The following CLU variants were observed in gnomAD, a reference collection of about 807,000 sequenced individuals.
The protein encoded by CLU is clusterin, also known as aging-associated protein 4.
In CLU, 25 loss-of-function variants were observed where a neutral mutation model predicts 46.4. The observed-to-expected ratio is 0.54, with a 90% confidence interval of 0.39 to 0.75. The LOEUF (loss-of-function observed/expected upper bound fraction) is 0.75, where lower values mean the gene tolerates loss of function less well. Ranked by LOEUF, CLU falls within the 30% of genes least tolerant of loss-of-function variation. The pLI, the probability that CLU is intolerant of heterozygous loss-of-function variation, is 0.00. For missense variants in CLU, 504 were observed against 592.1 expected, an observed-to-expected ratio of 0.85 and a Z score of 1.54; for synonymous variants, 235 against 235.1, an observed-to-expected ratio of 1.00 and a Z score of 0.00.
chr8:27,601,894 C>T (rs866877583), intron 6 of CLU, among the ~76,000 whole-genome samples: 2 of 151,908 alleles, frequency 1.3e-5, no homozygotes, highest in African/African-American at 4.8e-5. Flanking sequence ...AGTTTGAGAC[C>T]AGCCTGGCCA....
At position 27,604,933 on chromosome 8, in the gene CLU, A is replaced by T. The variant is rs1800788644; in HGVS notation, c.820T>A (p.Phe274Ile). ...TTCCACCCCTTCTCACCTCGTATGA[A>T]TTCTGTTGGCGGGTGCTGGAAGGCC... ...SPAFQHPPTE[F>I]IREGDDDRTV... Residue 274 changes from phenylalanine (F) to isoleucine (I), a missense_variant, in exon 5 of 9, where the codon TTC becomes ATC. By Grantham distance (21) the Phe-to-Ile change is conservative. Transcript: ENST00000316403. 2 of 1,614,082 alleles carry T rather than the reference A, an allele frequency of 1.2e-6. No homozygotes were observed. Among genetic ancestry groups the T allele is most frequent in the Non-Finnish European group, 1.7e-6 (2 of 1,180,022 alleles).
intron 3 of CLU, among the ~76,000 whole-genome samples, chr8:27,608,266 C>T (rs558709791): frequency 4.6e-5 from 7 of 152,324 alleles, no homozygotes; most frequent in East Asian, 1.9e-4. Flanking sequence ...GGTTTCTTTA[C>T]GGCAGAACTT....
intron 5 of CLU, 36 bp from the exon 6 acceptor site, chr8:27,604,431 A>G (rs1190961621): frequency 6.6e-7 from 1 of 1,507,120 alleles, no homozygotes. Flanking sequence ...TCAGTCATCC[A>G]GCCATGCAGA....
At position 27,608,160 on chromosome 8, in the gene CLU, A is replaced by G. The variant is rs78591537; in HGVS notation, c.246+778T>C. Among the ~76,000 whole-genome samples, 498 of 152,328 alleles carry G rather than the reference A, an allele frequency of 3.3e-3. 3 individuals carry two copies. The highest frequency in any genetic ancestry group is 0.011 in the African/African-American group (472 of 41,564). The stretch of plus-strand genomic sequence containing the variant: ...GCCAGCAATCCCTGAAGTGGCTCCT[A>G]TGGAGCTGTGCTCAAAGCGGCCAGG... On this transcript the variant is annotated intron_variant, in intron 3 of 8. Coordinates refer to ENST00000316403, the MANE Select transcript of CLU (RefSeq NM_001831.4).
rs762264713 is a variant in CLU, at chr8:27,604,986, T to C, written c.767A>G (p.Gln256Arg). The stretch of plus-strand genomic sequence containing the variant: ...GCTATGGAAGTGGATGTCCATGGCC[T>C]GCTGAGCCTCGTGTATCATCTCAAG... ...PFLEMIHEAQ[Q>R]AMDIHFHSPA... Residue 256 changes from glutamine (Q) to arginine (R), a missense_variant, in exon 5 of 9, where the codon CAG becomes CGG. By Grantham distance (43) the Gln-to-Arg change is conservative. Around this residue, in one of 3 missense-constraint regions of CLU, gnomAD observed 428 missense variants for 484.0 expected, o/e 0.88. Coordinates refer to ENST00000316403, the MANE Select transcript of CLU (RefSeq NM_001831.4). 1.2e-6 allele frequency: 2 copies of C among 1,613,984 alleles called. No homozygotes were observed. The highest frequency in any genetic ancestry group is 1.7e-6 in the Non-Finnish European group (2 of 1,180,012).
chr8:27,603,847 T>C (rs76604252), intron 6 of CLU, among the ~76,000 whole-genome samples: 9,006 of 152,216 alleles, frequency 0.059, 939 homozygotes, highest in African/African-American at 0.21. Flanking sequence ...GAAATGTATG[T>C]CGAGTGTTTA....
chr8:27,596,923 T>A lies in CLU; in HGVS notation c.*1318A>T. On this transcript the variant is annotated 3_prime_UTR_variant, in exon 9 of 9. Coordinates refer to ENST00000316403, the MANE Select transcript of CLU (RefSeq NM_001831.4). ...AACAGTGGAAAAGAAAAAGTAACTT[T>A]TGAAACAGTGTGACATTAATGTGAC... The A allele has an allele frequency of 2.2e-6, 1 of 449,860 alleles. No homozygotes were observed. The highest frequency in any genetic ancestry group is 4.5e-6 in the Non-Finnish European group (1 of 224,206). The allele number at this position is 449,860 out of a possible 1,614,324, so 27.9% of individuals were successfully genotyped here. A position where few individuals can be genotyped will look rare whatever the true frequency, so the allele number is the denominator to read the frequency against.
At position 27,605,096 on chromosome 8, in the gene CLU, G is replaced by A. The variant is rs760984236; in HGVS notation, c.657C>T (p.Phe219=). The change falls in exon 5 of 9, where the codon TTC becomes TTT. Residue 219 remains phenylalanine (F), a synonymous_variant. Coordinates refer to ENST00000316403, the MANE Select transcript of CLU (RefSeq NM_001831.4). ...TGCGGACGATGCGGGACTTGGGAAA[G>A]AAGAAGTGAGGCCTCCGGTGGGGCA... ...FSLPHRRPHF[F]FPKSRIVRSL... The A allele has an allele frequency of 6.2e-7, 1 of 1,613,634 alleles. No homozygotes were observed. Among genetic ancestry groups the A allele is most frequent in the Admixed American group, 1.7e-5 (1 of 59,998 alleles).
Position 27,606,231 on chromosome 8 carries a change from G to A in CLU, c.417+123C>T, listed in dbSNP as rs536866789. ...ATGCCAGACATTACCAATGGAGCAT[G>A]GCACTCTGGGCAAGCCAGCCAATGC... is the stretch of plus-strand genomic sequence containing the variant. On this transcript the variant is annotated intron_variant, in intron 4 of 8. Coordinates refer to ENST00000316403, the MANE Select transcript of CLU (RefSeq NM_001831.4). The A allele has an allele frequency of 1.1e-5, 12 of 1,076,794 alleles. No homozygotes were observed. In the South Asian group the frequency reaches 1.5e-4, roughly 13 times the overall value. The allele number at this position is 1,076,794 out of a possible 1,614,324, so 66.7% of individuals were successfully genotyped here. A position where few individuals can be genotyped will look rare whatever the true frequency, so the allele number is the denominator to read the frequency against.
At position 27,599,855 on chromosome 8, in the gene CLU, G is replaced by A. The variant is rs758078251; in HGVS notation, c.1089C>T (p.Asn363=). ...LNTSSLLEQL[N]EQFNWVSRLA... is the part of the protein sequence containing the mutation. ...GCCGGGACACCCAGTTAAACTGCTC[G>A]TTCAGCTGCTCCAGCAAGGAGGAGG... The change falls in exon 7 of 9, where the codon AAC becomes AAT. Residue 363 remains asparagine (N), a synonymous_variant. Coordinates refer to ENST00000316403, the MANE Select transcript of CLU (RefSeq NM_001831.4). The surrounding 1 kb of genome is among the most constrained non-coding windows in gnomAD (Gnocchi z 4.0). 9.3e-6 allele frequency: 15 copies of A among 1,614,030 alleles called. No individual in the cohort carries two copies. Among genetic ancestry groups the A allele is most frequent in the African/African-American group, 1.3e-5 (1 of 74,920 alleles).
intron 1 of CLU, chr8:27,610,832 A>G (rs1023825756): frequency 3.9e-6 from 2 of 510,696 alleles, no homozygotes; most frequent in East Asian, 3.6e-5. Context: ...CAGGACAGCA[A>G]TGTTGAGTGG....
rs551959163 is a variant in CLU, at chr8:27,603,451, C to T, written c.934+840G>A. On this transcript the variant is annotated intron_variant, in intron 6 of 8. Coordinates refer to ENST00000316403, the MANE Select transcript of CLU (RefSeq NM_001831.4). ...TTAAGTAAGAGCAAAGCCACCAGAT[C>T]GATAAGCTGTTGACAAGGGGAAACA... 2.6e-4 allele frequency among the ~76,000 whole-genome samples: 40 copies of T among 152,288 alleles called. No homozygotes were observed. In the South Asian group the frequency reaches 7.7e-3, roughly 29 times the overall value.
intron 6 of CLU, among the ~76,000 whole-genome samples, chr8:27,601,166 A>G (rs1362348677): frequency 6.6e-6 from 1 of 152,206 alleles, no homozygotes; most frequent in Non-Finnish European, 1.5e-5. Context: ...CTCCTGCCTC[A>G]GCCTCCAGAG....
Position 27,604,282 on chromosome 8 carries a change from C to T in CLU, c.934+9G>A, listed in dbSNP as rs1434762154. On this transcript the variant is annotated intron_variant, in intron 6 of 8. Coordinates refer to ENST00000316403, the MANE Select transcript of CLU (RefSeq NM_001831.4). Reference sequence around the variant, plus strand: ...GGGGGGACGGCTTGTGGTCTGGACCCCGACTCACCCACAGACAAGATCTCC... The same window carrying T: ...GGGGGGACGGCTTGTGGTCTGGACCTCGACTCACCCACAGACAAGATCTCC... 1 of 1,611,738 alleles carries T rather than the reference C, an allele frequency of 6.2e-7. No individual in the cohort carries two copies. The highest frequency in any genetic ancestry group is 1.1e-5 in the South Asian group (1 of 91,020).
Position 27,598,551 on chromosome 8 carries a change from CA to C in CLU, c.1248del (p.Val417Ter). On this transcript the variant is annotated frameshift_variant, in exon 8 of 9. Transcript: ENST00000316403. LOFTEE classifies it high-confidence loss of function. ...CTGGAGACTTCTACAGGGACCGTCA[CA>C]GTGATGGGATCAGAGTCAAAGAGCT... ...VVKLFDSDPI[T>X]VTVPVEVSRK... is the part of the protein sequence containing the mutation. 1 of 1,614,170 alleles carries C rather than the reference CA, an allele frequency of 6.2e-7. No individual in the cohort carries two copies. The highest frequency in any genetic ancestry group is 8.5e-7 in the Non-Finnish European group (1 of 1,180,026).
chr8:27,598,563 C>G lies in CLU; in HGVS notation c.1237G>C (p.Asp413His). Reference sequence around the variant, plus strand: ...ACAGGGACCGTCACAGTGATGGGATCAGAGTCAAAGAGCTTCACGACCACC... The same window carrying G: ...ACAGGGACCGTCACAGTGATGGGATGAGAGTCAAAGAGCTTCACGACCACC... ...TEVVVKLFDSDPITVTVPVEV... is the reference protein window; with the variant it reads ...TEVVVKLFDSHPITVTVPVEV... Residue 413 changes from aspartate to histidine, a missense_variant, in exon 8 of 9, where the codon GAT becomes CAT. Asp to His is a moderately conservative substitution (Grantham distance 81, BLOSUM62 -1). Transcript: ENST00000316403. The G allele has an allele frequency of 6.2e-7, 1 of 1,614,148 alleles. No homozygotes were observed. The highest frequency in any genetic ancestry group is 1.1e-5 in the South Asian group (1 of 91,088).
At chr8:27,612,612 T>C (rs868380234) in intron 1 of CLU, among the ~76,000 whole-genome samples, 27 of 151,994 alleles carry the variant, frequency 1.8e-4, no homozygotes, top group Middle Eastern at 3.4e-3. Flanking sequence ...GCAGGGCTGG[T>C]TATAATGTTG....
At chr8:27,611,335 G>C (rs1379382270) in intron 1 of CLU, 2 of 455,948 alleles carry the variant, frequency 4.4e-6, no homozygotes, top group African/African-American at 4.0e-5. Flanking sequence ...AGGCTTCCCA[G>C]AGAAAGTCCC....
In CLU at chr8:27,608,965, G is replaced by A. The variant is rs750597031; in HGVS notation, c.219C>T (p.Asn73=). 5.0e-6 allele frequency: 8 copies of A among 1,614,216 alleles called. No homozygotes were observed. Among genetic ancestry groups the A allele is most frequent in the Non-Finnish European group, 6.8e-6 (8 of 1,180,046 alleles). The change falls in exon 3 of 9, where the codon AAC becomes AAT. Residue 73 remains asparagine (N), a synonymous_variant. Transcript: ENST00000316403. ...CTTTCTTCTTCTTGGCTTCTTCTAG[G>A]TTGCTGAGCAGTGTCTTGCGCTCTT... ...TNEERKTLLS[N]LEEAKKKKED...
Sources: gnomAD v4.1 joint callset for allele counts (sites outside exome capture counted in the v4.1 genomes callset) on GRCh38, gnomAD v4.1.1 for gene constraint, gnomAD v4.1.1 regional missense constraint, Gnocchi (gnomAD v3.1) non-coding constraint, MANE v1.5 for transcripts, NCBI Gene and HGNC (gene_info 2026-07-23, HGNC 2026-07-21) for gene names.